EMG1: variants seen among roughly 807,000 people sequenced by gnomAD.
EMG1 encodes EMG1 N1-specific pseudouridine methyltransferase, also known as ribosomal RNA small subunit methyltransferase NEP1.
In EMG1, 24 loss-of-function variants were observed where a neutral mutation model predicts 26.9. The observed-to-expected ratio is 0.89, with a 90% CI of 0.65 to 1.26. The LOEUF is 1.26. EMG1 is among the 50% of genes most tolerant of loss of function. EMG1 has a pLI of 0.00. For synonymous variants in EMG1, 140 were observed against 112.6 expected (o/e 1.24, Z -1.54); for missense variants, 299 against 307.6 (o/e 0.97, Z 0.21).
In EMG1 at chr12:6,979,709, C is replaced by T. The variant is rs1946449874; in HGVS notation, c.*3900C>T. 3 of 658,036 alleles carry T rather than the reference C, an allele frequency of 4.6e-6. No homozygotes were observed. The highest frequency in any genetic ancestry group is 8.2e-6 in the Non-Finnish European group (3 of 367,750). 40.8% of individuals were successfully genotyped at this position (658,036 alleles called of 1,614,324 possible). A position where few individuals can be genotyped will look rare whatever the true frequency, so the allele number is the denominator to read the frequency against. ...ACCTGGAATGGGATGAGAAGCTCTG[C>T]TGCCCAAAGTGTTTCCTGTTTCAGG... is the stretch of plus-strand genomic sequence containing the variant. On this transcript the variant is annotated 3_prime_UTR_variant, in exon 6 of 6. Coordinates refer to ENST00000599672, the MANE Select transcript of EMG1 (RefSeq NM_006331.8).
downstream of EMG1, chr12:6,982,746 A>G: frequency 1.2e-6 from 2 of 1,614,042 alleles, no homozygotes; most frequent in Non-Finnish European, 1.7e-6. Context: ...GAGGAACTGA[A>G]GCACAATACA....
intron 6 of EMG1, among the ~76,000 whole-genome samples, chr12:6,986,934 T>C (rs1946533375): frequency 6.6e-6 from 1 of 150,952 alleles, no homozygotes; most frequent in South Asian, 2.1e-4. Flanking sequence ...GCCAACATGG[T>C]GAAACCCCAT....
downstream of EMG1, chr12:6,981,731 A>AGG (rs1325493919): frequency 2.8e-5 from 6 of 210,730 alleles, no homozygotes; most frequent in Admixed American, 6.0e-5. Flanking sequence ...CGGGGGGCGG[A>AGG]GGGGGGGTGC....
chr12:6,971,806 C>T (rs965476776), intron 1 of EMG1, among the ~76,000 whole-genome samples: 4 of 152,198 alleles, frequency 2.6e-5, no homozygotes, highest in African/African-American at 7.2e-5. Context: ...TCATTAGTAT[C>T]CATAGTCACC....
rs1555152770 is a variant in EMG1 at position 6,974,539 on chromosome 12, C to G, written c.271-13C>G. On this transcript the variant is annotated splice_polypyrimidine_tract_variant and intron_variant, in intron 2 of 5. Transcript: ENST00000599672. The stretch of plus-strand genomic sequence containing the variant: ...TTCAGCCTTAACCATGTCTCGGTTT[C>G]TGCTTTGCTCAGAGTTTGCTGATGC... The G allele has an allele frequency of 6.2e-7, 1 of 1,612,590 alleles. No homozygotes were observed. Among genetic ancestry groups the G allele is most frequent in the East Asian group, 2.2e-5 (1 of 44,850 alleles).
rs58592660 is a variant in EMG1 at position 6,993,443 on chromosome 12, A to G, written c.*212-3782A>G. ...GCGAGACTCCATCTCAAAAAGAAAAAAAAAAAAGGTTGTGCAGCCATCCCC... is the reference window on the plus strand; with the variant it reads ...GCGAGACTCCATCTCAAAAAGAAAAGAAAAAAAGGTTGTGCAGCCATCCCC... On this transcript the variant is annotated intron_variant and NMD_transcript_variant, in intron 7 of 7. Coordinates refer to the EMG1 transcript ENST00000607161. 0.014 allele frequency among the ~76,000 whole-genome samples: 2,156 copies of G among 152,168 alleles called. 130 individuals carry two copies. The East Asian group carries it at 0.16, about 12-fold the overall frequency.
At chr12:6,972,365 G>A (rs782343907) in intron 1 of EMG1, among the ~76,000 whole-genome samples, 2 of 152,070 alleles carry the variant, frequency 1.3e-5, no homozygotes, top group Non-Finnish European at 2.9e-5. Flanking sequence ...TGCTCTCTGT[G>A]ACATTACTTC....
chr12:6,974,364 A>G lies in EMG1; in HGVS notation c.194A>G (p.Asn65Ser), dbSNP rs782174904. ...GTAGGGAAGACATATGAGCTACTCA[A>G]CTGTGACAAGCACAAGTCTATATTG... ...VKVGKTYELL[N>S]CDKHKSILLK... The change falls in exon 2 of 6, where the codon AAC (asparagine) becomes AGC (serine). Residue 65 changes from asparagine to serine, a missense_variant. Physicochemically the swap from Asn to Ser is conservative, Grantham distance 46 (BLOSUM62 1). Coordinates refer to ENST00000599672, the MANE Select transcript of EMG1 (RefSeq NM_006331.8). 6 of 1,613,348 alleles carry G rather than the reference A, an allele frequency of 3.7e-6. No individual in the cohort carries two copies. The highest frequency in any genetic ancestry group is 2.2e-5 in the South Asian group (2 of 90,980).
Position 6,976,750 on chromosome 12 carries a change from A to G in EMG1, c.*941A>G, listed in dbSNP as rs1245566356. On this transcript the variant is annotated 3_prime_UTR_variant, in exon 6 of 6. Transcript: ENST00000599672. The stretch of plus-strand genomic sequence containing the variant: ...AAAAAAAGTTTCCCCTTTGGCCCCA[A>G]ATGAAGACTTGGCTGGCAGCAGAGG... 2 of 163,534 alleles carry G rather than the reference A, an allele frequency of 1.2e-5. No homozygotes were observed. The highest frequency in any genetic ancestry group is 2.7e-5 in the Non-Finnish European group (2 of 74,760). The allele number at this position is 163,534 out of a possible 1,614,324, so 10.1% of individuals were successfully genotyped here. A position where few individuals can be genotyped will look rare whatever the true frequency, so the allele number is the denominator to read the frequency against.
chr12:6,982,197 G>A (rs1273971410), downstream of EMG1, among the ~76,000 whole-genome samples: 2 of 152,014 alleles, frequency 1.3e-5, no homozygotes, highest in East Asian at 1.9e-4. Context: ...CCAGGCTGGA[G>A]GGCTAATTTT....
intron 1 of EMG1, among the ~76,000 whole-genome samples, chr12:6,972,839 CTTTTT>C (rs1555152462): frequency 1.3e-5 from 2 of 152,048 alleles, no homozygotes; most frequent in South Asian, 4.1e-4. Flanking sequence ...TCCACTTTTT[CTTTTT>C]TGTTTCTTTT....
Position 6,979,428 on chromosome 12 carries a change from G to T in EMG1, c.*3619G>T. On this transcript the variant is annotated 3_prime_UTR_variant, in exon 6 of 6. Transcript: ENST00000599672. Reference sequence around the variant, plus strand: ...GGGATCCTTGCCTGTCCATTTTCTAGCTCTGGTGCAGTCATGCTGCTGCTG... The same window carrying T: ...GGGATCCTTGCCTGTCCATTTTCTATCTCTGGTGCAGTCATGCTGCTGCTG... 1 of 1,406,170 alleles carries T rather than the reference G, an allele frequency of 7.1e-7. No individual in the cohort carries two copies. Among genetic ancestry groups the T allele is most frequent in the Non-Finnish European group, 1.0e-6 (1 of 991,488 alleles). The allele number at this position is 1,406,170 out of a possible 1,614,324, so 87.1% of individuals were successfully genotyped here. A position where few individuals can be genotyped will look rare whatever the true frequency, so the allele number is the denominator to read the frequency against.
downstream of EMG1, among the ~76,000 whole-genome samples, chr12:6,993,028 G>A (rs1946603706): frequency 6.6e-6 from 1 of 152,042 alleles, no homozygotes; most frequent in Admixed American, 6.6e-5. Context: ...CCATGAATGT[G>A]GAACCCACAA....
rs1366198822 is a variant in EMG1, at chr12:6,976,377, T to C, written c.*568T>C. ...GGCTAGATGGGGAGAGATAAGGCAA[T>C]GTGCATGGGGGAATCAGAGGGGAGA... On this transcript the variant is annotated 3_prime_UTR_variant, in exon 6 of 6. Coordinates refer to ENST00000599672, the MANE Select transcript of EMG1 (RefSeq NM_006331.8). 3 of 153,442 alleles carry C rather than the reference T, an allele frequency of 2.0e-5. No individual in the cohort carries two copies. The highest frequency in any genetic ancestry group is 7.3e-5 in the African/African-American group (3 of 41,362). 9.5% of individuals were successfully genotyped at this position (153,442 alleles called of 1,614,324 possible). A position where few individuals can be genotyped will look rare whatever the true frequency, so the allele number is the denominator to read the frequency against.
downstream of EMG1, chr12:6,981,186 T>A (rs199909611): frequency 8.7e-6 from 14 of 1,602,958 alleles, no homozygotes; most frequent in Non-Finnish European, 1.1e-5. Context: ...AGGAATTCTA[T>A]GCCAAGAAGA....
intron 1 of EMG1, among the ~76,000 whole-genome samples, 183 bp downstream of exon 1, chr12:6,971,274 CT>C (rs34818013): frequency 1.5e-3 from 201 of 135,446 alleles, no homozygotes; most frequent in Non-Finnish European, 1.7e-3. Context: ...ATTTTTCTTT[CT>C]TTTTTTTTTT....
downstream of EMG1, among the ~76,000 whole-genome samples, chr12:6,984,667 G>A (rs1233176955): frequency 6.6e-6 from 1 of 152,174 alleles, no homozygotes; most frequent in East Asian, 1.9e-4. Context: ...GCTCACTGCA[G>A]CCTTGACCTC....
chr12:6,971,064 G>A lies in EMG1; in HGVS notation c.141G>A (p.Leu47=), dbSNP rs1555152164. The part of the protein sequence containing the change: ...KIGGRRLIVV[L]EGASLETVKV... ...GAGGCCGTAGGCTTATTGTGGTGCT[G>A]GAAGGGGCCAGTCTGGAGACAGTCA... The change falls in exon 1 of 6, where the codon CTG becomes CTA. Residue 47 remains leucine (L), a synonymous_variant. Coordinates refer to ENST00000599672, the MANE Select transcript of EMG1 (RefSeq NM_006331.8). 1 of 1,611,568 alleles carries A rather than the reference G, an allele frequency of 6.2e-7. No homozygotes were observed. The highest frequency in any genetic ancestry group is 1.7e-5 in the Admixed American group (1 of 59,666).
rs782711576 is a variant in EMG1 at position 6,970,940 on chromosome 12, A to G, written c.17A>G (p.Asp6Gly). ...TGTTGCAAGATGGCCGCGCCCAGTGATGGATTCAAGCCTCGTGAACGAAGC... is the reference window on the plus strand; with the variant it reads ...TGTTGCAAGATGGCCGCGCCCAGTGGTGGATTCAAGCCTCGTGAACGAAGC... MAAPS[D>G]GFKPRERSGG... The change falls in exon 1 of 6, where the codon GAT (aspartate) becomes GGT (glycine). Residue 6 changes from aspartate (D) to glycine (G), a missense_variant. Transcript: ENST00000599672. 6.2e-7 allele frequency: 1 copy of G among 1,613,160 alleles called. No individual in the cohort carries two copies. The highest frequency in any genetic ancestry group is 1.1e-5 in the South Asian group (1 of 90,866).
Sources: gnomAD v4.1 joint callset for allele counts (sites outside exome capture counted in the v4.1 genomes callset) on GRCh38, gnomAD v4.1.1 for gene constraint, MANE v1.5 for transcripts, NCBI Gene and HGNC (gene_info 2026-07-23, HGNC 2026-07-21) for gene names.